Variants in SPPL3 observed in about 807,000 individuals in gnomAD.
The protein encoded by SPPL3 is signal peptide peptidase-like 3.
A neutral mutation model predicts 42.4 loss-of-function variants in SPPL3; 5 were observed. The ratio of observed to expected loss-of-function variants is 0.12; its 90% CI spans 0.06 to 0.25. The LOEUF (loss-of-function observed/expected upper bound fraction) is 0.25, where lower values mean the gene tolerates loss of function less well. Ranked by LOEUF, SPPL3 falls within the 10% of genes least tolerant of loss-of-function variation. The pLI is 1.00. For synonymous variants in SPPL3, 195 were observed against 181.8 expected (o/e 1.07, Z -0.58); for missense variants, 235 against 489.0 (o/e 0.48, Z 4.90).
chr12:120,778,060 T>TA (rs1869392284), intron 6 of SPPL3, among the ~76,000 whole-genome samples: 1 of 146,710 alleles, frequency 6.8e-6, no homozygotes, highest in African/African-American at 2.5e-5. Flanking sequence ...TACATATTTG[T>TA]AAAAAATAAA....
chr12:120,831,714 T>G (rs899382745), intron 1 of SPPL3, among the ~76,000 whole-genome samples: 2 of 152,222 alleles, frequency 1.3e-5, no homozygotes, highest in Admixed American at 1.3e-4. Context: ...TCTGTTCCCC[T>G]GTAGTTCTGT....
intron 1 of SPPL3, chr12:120,901,783 G>T: frequency 1.8e-6 from 1 of 551,798 alleles, no homozygotes. Flanking sequence ...AAGTATTTTA[G>T]TAGAATAAAT....
At chr12:120,832,078 T>C (rs1474038712) in intron 1 of SPPL3, among the ~76,000 whole-genome samples, 1 of 152,232 alleles carries the variant, frequency 6.6e-6, no homozygotes, top group African/African-American at 2.4e-5. Context: ...CAATTGTATC[T>C]GCTTAGTTTT....
At position 120,831,215 on chromosome 12, in the gene SPPL3, T is replaced by C. The variant is rs1481590997; in HGVS notation, c.24-20329A>G. On this transcript the variant is annotated intron_variant, in intron 1 of 10. Transcript: ENST00000353487. ...CTCAGGCCTTTGGACTTGGACTCAGTTTCACCACTGGCTTTCCTGGTTCTT... is the reference window on the plus strand; with the variant it reads ...CTCAGGCCTTTGGACTTGGACTCAGCTTCACCACTGGCTTTCCTGGTTCTT... Among the ~76,000 whole-genome samples, 3 of 152,240 alleles carry C rather than the reference T, an allele frequency of 2.0e-5. No homozygotes were observed. The East Asian group carries it at 5.8e-4, about 29-fold the overall frequency.
intron 1 of SPPL3, among the ~76,000 whole-genome samples, chr12:120,871,582 GTC>G (rs1201989607): frequency 6.6e-6 from 1 of 152,066 alleles, no homozygotes; most frequent in Non-Finnish European, 1.5e-5. Flanking sequence ...GTGAAACCCT[GTC>G]TCTACTAAAA....
At chr12:120,773,580 G>GGTAA (rs1480785164) in intron 6 of SPPL3, among the ~76,000 whole-genome samples, 1 of 152,114 alleles carries the variant, frequency 6.6e-6, no homozygotes, top group Non-Finnish European at 1.5e-5. Flanking sequence ...GGCTCCTCGG[G>GGTAA]GTAAGTTTAT....
intron 4 of SPPL3, 144 bp downstream of exon 4, chr12:120,784,330 T>C: frequency 1.4e-6 from 1 of 729,492 alleles, no homozygotes; most frequent in Non-Finnish European, 2.1e-6. Context: ...AAGGGTGGCG[T>C]GGTTGAGACG....
At chr12:120,802,550 C>T (rs1274405674) in intron 2 of SPPL3, among the ~76,000 whole-genome samples, 1 of 151,312 alleles carries the variant, frequency 6.6e-6, no homozygotes, top group Non-Finnish European at 1.5e-5. Flanking sequence ...TCTCCTGCCT[C>T]AGCCTCCTGA....
At position 120,810,906 on chromosome 12, in the gene SPPL3, A is replaced by G. The variant is rs764461391; in HGVS notation, c.24-20T>C. 54 of 1,591,432 alleles carry G rather than the reference A, an allele frequency of 3.4e-5. No homozygotes were observed. In the East Asian group the frequency reaches 1.2e-3, roughly 35 times the overall value. On this transcript the variant is annotated intron_variant, in intron 1 of 10. Coordinates refer to ENST00000353487, the MANE Select transcript of SPPL3 (RefSeq NM_139015.5). ...TAGGCCCTAGAGAAATAAGAGGAAA[A>G]AAATTTAAATCACATGCAGTGAGTC... is the stretch of plus-strand genomic sequence containing the variant.
rs766371691 is a variant in SPPL3 at position 120,864,863 on chromosome 12, A to AT, written c.23+38981dup. 5.9e-5 allele frequency among the ~76,000 whole-genome samples: 9 copies of AT among 152,116 alleles called. No homozygotes were observed. In the East Asian group the frequency reaches 7.7e-4, roughly 13 times the overall value. ...AGTGTCAAGAGTTAACCAAAGGAGT[A>AT]TTTTTTTACGCATTCTTAAGTGAAA... On this transcript the variant is annotated intron_variant, in intron 1 of 10. Coordinates refer to ENST00000353487, the MANE Select transcript of SPPL3 (RefSeq NM_139015.5).
rs1254188356 is a variant in SPPL3, at chr12:120,833,683, A to G, written c.24-22797T>C. Among the ~76,000 whole-genome samples the G allele has an allele frequency of 8.6e-4, 77 of 89,182 alleles. 5 individuals are homozygous for G. The highest frequency in any genetic ancestry group is 7.7e-3 in the East Asian group (15 of 1,948). The allele number at this position is 89,182 out of a possible 152,430, so 58.5% of individuals were successfully genotyped here. On this transcript the variant is annotated intron_variant, in intron 1 of 10. Coordinates refer to ENST00000353487, the MANE Select transcript of SPPL3 (RefSeq NM_139015.5). The stretch of plus-strand genomic sequence containing the variant: ...CCATCTCTCCAAAAAAAAAAAAAGA[A>G]AAAAAAAAAAAGGAAAAAGAGAAAA...
intron 1 of SPPL3, among the ~76,000 whole-genome samples, chr12:120,868,398 G>A (rs1192224452): frequency 1.3e-5 from 2 of 152,158 alleles, no homozygotes; most frequent in Non-Finnish European, 2.9e-5. Flanking sequence ...TGTAGTCCAC[G>A]GACCACCAGT....
At chr12:120,894,881 A>G (rs1873752355) in intron 1 of SPPL3, among the ~76,000 whole-genome samples, 1 of 152,118 alleles carries the variant, frequency 6.6e-6, no homozygotes, top group Admixed American at 6.5e-5. Flanking sequence ...CGGGAGGTGG[A>G]GGCTGCAGTG....
chr12:120,885,871 T>G (rs111440815), intron 1 of SPPL3, among the ~76,000 whole-genome samples: 5,747 of 104,158 alleles, frequency 0.055, 111 homozygotes, highest in South Asian at 0.14. Context: ...TTTTTTTTTT[T>G]GAGACAGAGT....
intron 1 of SPPL3, among the ~76,000 whole-genome samples, chr12:120,860,068 C>T (rs1241898744): frequency 6.6e-6 from 1 of 152,086 alleles, no homozygotes; most frequent in Non-Finnish European, 1.5e-5. Context: ...TAGTGAGACC[C>T]CCATCTCTAA....
chr12:120,903,729 C>CG, intron 1 of SPPL3, 116 bp downstream of exon 1: 1 of 595,064 alleles, frequency 1.7e-6, no homozygotes, highest in Non-Finnish European at 2.6e-6. Context: ...CACCCCAACC[C>CG]GCGCCCCCCC....
chr12:120,854,934 A>G (rs564732437), intron 1 of SPPL3, among the ~76,000 whole-genome samples: 11 of 152,336 alleles, frequency 7.2e-5, no homozygotes, highest in Non-Finnish European at 1.2e-4. Context: ...ATTTGGACCA[A>G]AGAACACGCC....
At chr12:120,876,871 A>G (rs925290103) in intron 1 of SPPL3, among the ~76,000 whole-genome samples, 9 of 151,908 alleles carry the variant, frequency 5.9e-5, no homozygotes, top group African/African-American at 2.2e-4. Flanking sequence ...GAAGGACGTG[A>G]TAAACATGAG....
At chr12:120,884,808 G>GTTT (rs1555254341) in intron 1 of SPPL3, among the ~76,000 whole-genome samples, 5 of 137,504 alleles carry the variant, frequency 3.6e-5, no homozygotes, top group African/African-American at 1.1e-4. Context: ...TTTTTTTTGG[G>GTTT]TTTTTTTTTT....
Sources: gnomAD v4.1 joint callset for allele counts (sites outside exome capture counted in the v4.1 genomes callset) on GRCh38, gnomAD v4.1.1 for gene constraint, MANE v1.5 for transcripts, NCBI Gene and HGNC (gene_info 2026-07-23, HGNC 2026-07-21) for gene names.